The following GABRA2 variants were observed in gnomAD, a reference collection of about 807,000 sequenced individuals.
The protein encoded by GABRA2 is gamma-aminobutyric acid type A receptor subunit alpha2, also known as gamma-aminobutyric acid receptor subunit alpha-2.
Under a neutral mutation model 48.7 loss-of-function variants are expected in GABRA2, and 16 were observed. That is an observed-to-expected ratio of 0.33 (90% CI 0.22 to 0.50). GABRA2 has a LOEUF of 0.50. Among genes scored for constraint, GABRA2 ranks in the 20% least tolerant of loss-of-function variants. The pLI, the probability that GABRA2 is intolerant of heterozygous loss-of-function variation, is 0.98. For missense variants in GABRA2, 275 were observed against 535.6 expected (o/e 0.51, Z 4.80); for synonymous variants, 185 against 184.5 (o/e 1.00, Z -0.02).
At chr4:46,358,741 G>A (rs1252409895) in intron 3 of GABRA2, among the ~76,000 whole-genome samples, 2 of 152,134 alleles carry the variant, frequency 1.3e-5, no homozygotes, top group African/African-American at 4.8e-5. Context: ...ATTAGTCTCA[G>A]ACTAAATATC....
intron 8 of GABRA2, among the ~76,000 whole-genome samples, chr4:46,278,794 G>A (rs930433122): frequency 2.0e-5 from 3 of 151,828 alleles, no homozygotes; most frequent in African/African-American, 7.3e-5. Context: ...ATAACTAGTT[G>A]GGAGGAAAAA....
chr4:46,262,468 ATGG>A, intron 8 of GABRA2, among the ~76,000 whole-genome samples: 1 of 152,258 alleles, frequency 6.6e-6, no homozygotes, highest in South Asian at 2.1e-4. Flanking sequence ...GGCACTTTAA[ATGG>A]TCCCATTGAC....
At chr4:46,374,214 T>C (rs1328179426) in intron 3 of GABRA2, among the ~76,000 whole-genome samples, 1 of 152,192 alleles carries the variant, frequency 6.6e-6, no homozygotes, top group Non-Finnish European at 1.5e-5. Context: ...TAACTCAGCA[T>C]CTTTTGCACA....
intron 3 of GABRA2, among the ~76,000 whole-genome samples, chr4:46,360,168 CAGGTATAT>C (rs1317807039): frequency 1.3e-5 from 2 of 152,124 alleles, no homozygotes; most frequent in Non-Finnish European, 2.9e-5. Context: ...GATGGTATCA[CAGGTATAT>C]ACATAAGACC....
intron 3 of GABRA2, among the ~76,000 whole-genome samples, chr4:46,371,402 A>G (rs1578200562): frequency 6.6e-6 from 1 of 152,194 alleles, no homozygotes; most frequent in East Asian, 1.9e-4. Flanking sequence ...TACCAAATTC[A>G]GATTTAAATT....
intron 2 of GABRA2, 106 bp downstream of exon 2, chr4:46,388,530 G>A: frequency 7.3e-7 from 1 of 1,369,918 alleles, no homozygotes; most frequent in East Asian, 2.3e-5. Flanking sequence ...CCCCTTTTCT[G>A]AGAAATAATT....
intron 2 of GABRA2, chr4:46,386,712 G>C: frequency 6.5e-6 from 1 of 154,332 alleles, no homozygotes; most frequent in Non-Finnish European, 1.4e-5. Context: ...CTTACTTTGG[G>C]TATACCTCCA....
At chr4:46,291,620 C>T (rs990409464) in intron 8 of GABRA2, among the ~76,000 whole-genome samples, 5 of 152,120 alleles carry the variant, frequency 3.3e-5, no homozygotes, top group East Asian at 3.9e-4. Flanking sequence ...CTATATATTT[C>T]GCCCAGGCTG....
intron 5 of GABRA2, among the ~76,000 whole-genome samples, chr4:46,311,920 G>A (rs545424292): frequency 4.6e-5 from 7 of 152,248 alleles, no homozygotes; most frequent in South Asian, 2.1e-4. Flanking sequence ...CCAACATGGC[G>A]AAACACCGTC....
chr4:46,247,789 C>A lies in GABRA2; in HGVS notation c.*2519G>T, dbSNP rs1441919338. Among the ~76,000 whole-genome samples the A allele has an allele frequency of 6.6e-6, 1 of 151,148 alleles. No individual in the cohort carries two copies. The highest frequency in any genetic ancestry group is 6.6e-5 in the Admixed American group (1 of 15,106). On this transcript the variant is annotated 3_prime_UTR_variant, in exon 10 of 10. Transcript: ENST00000381620. ...CGAATCTTGTTCTATAATTTAAAAG[C>A]AATTTCCACGGAGCATCCCTAGTCT...
rs558469936 is a variant in GABRA2, at chr4:46,380,679, C to G, written c.187+5395G>C. ...TCATATAGTTAATATATAATAGGAA[C>G]AGAATTCAAAAGCAGGTACTGATCT... On this transcript the variant is annotated intron_variant, in intron 3 of 9. Coordinates refer to ENST00000381620, the MANE Select transcript of GABRA2 (RefSeq NM_000807.4). 4.6e-5 allele frequency among the ~76,000 whole-genome samples: 7 copies of G among 152,210 alleles called. No homozygotes were observed. In the South Asian group the frequency reaches 1.2e-3, roughly 27 times the overall value.
At chr4:46,330,691 C>T (rs1459767461) in intron 4 of GABRA2, among the ~76,000 whole-genome samples, 2 of 151,038 alleles carry the variant, frequency 1.3e-5, no homozygotes, top group Non-Finnish European at 3.0e-5. Context: ...AAATTTACAA[C>T]ATGAAAAAAC....
At chr4:46,346,767 A>G (rs1252590939) in intron 3 of GABRA2, among the ~76,000 whole-genome samples, 1 of 151,692 alleles carries the variant, frequency 6.6e-6, no homozygotes. Context: ...CTTCTATTCA[A>G]CAGTACTGGA....
At chr4:46,298,539 C>T (rs538845932) in intron 8 of GABRA2, among the ~76,000 whole-genome samples, 2 of 151,980 alleles carry the variant, frequency 1.3e-5, no homozygotes, top group East Asian at 3.9e-4. Context: ...GAGAGATTGT[C>T]CATTGCTATA....
At chr4:46,290,119 T>C (rs1723344074) in intron 8 of GABRA2, among the ~76,000 whole-genome samples, 2 of 150,816 alleles carry the variant, frequency 1.3e-5, no homozygotes, top group South Asian at 2.1e-4. Flanking sequence ...GGTTTCACCA[T>C]GGTCTTGATC....
chr4:46,262,249 A>C (rs1577801282), intron 8 of GABRA2, 121 bp from the exon 9 acceptor site: 1 of 603,984 alleles, frequency 1.7e-6, no homozygotes, highest in East Asian at 2.8e-5. Context: ...ACTAAATAAT[A>C]ATAAATAAAT....
intron 3 of GABRA2, among the ~76,000 whole-genome samples, chr4:46,333,287 A>T (rs1731680969): frequency 6.6e-6 from 1 of 152,142 alleles, no homozygotes; most frequent in Non-Finnish European, 1.5e-5. Context: ...AAATGCTAAG[A>T]CTGAACTAAA....
chr4:46,266,501 G>A (rs1190628358), intron 8 of GABRA2, among the ~76,000 whole-genome samples: 2 of 150,664 alleles, frequency 1.3e-5, no homozygotes, highest in African/African-American at 4.9e-5. Context: ...TAATCATGTT[G>A]AGGATCCCTT....
chr4:46,281,898 G>A (rs1435077080), intron 8 of GABRA2, among the ~76,000 whole-genome samples: 1 of 152,144 alleles, frequency 6.6e-6, no homozygotes, highest in Non-Finnish European at 1.5e-5. Flanking sequence ...GACACTGATG[G>A]CATTAGAAAG....
Sources: gnomAD v4.1 joint callset for allele counts (sites outside exome capture counted in the v4.1 genomes callset) on GRCh38, gnomAD v4.1.1 for gene constraint, MANE v1.5 for transcripts, NCBI Gene and HGNC (gene_info 2026-07-23, HGNC 2026-07-21) for gene names.